The following VEPH1 variants were observed in gnomAD, a reference collection of about 807,000 sequenced individuals.
The protein encoded by VEPH1 is ventricular zone expressed PH domain containing 1, also known as ventricular zone-expressed PH domain-containing protein homolog 1.
A neutral mutation model predicts 85.2 loss-of-function variants in VEPH1; 80 were observed. That is an observed-to-expected ratio of 0.94 (90% CI 0.78 to 1.13). VEPH1 has a LOEUF of 1.13. VEPH1 is among the 50% of genes most tolerant of loss of function. The probability of loss-of-function intolerance (pLI) is 0.00; values close to 1 mark genes in which losing one functional copy is unlikely to be tolerated. For synonymous variants in VEPH1, 297 were observed against 348.0 expected, an observed-to-expected ratio of 0.85 and a Z score of 1.63; for missense variants, 955 against 980.5, an observed-to-expected ratio of 0.97 and a Z score of 0.35.
At chr3:157,261,490 T>G in intron 13 of VEPH1, 120 bp from the exon 14 acceptor site, 1 of 1,478,222 alleles carries the variant, frequency 6.8e-7, no homozygotes, top group Non-Finnish European at 9.0e-7. Flanking sequence ...TCAAGACCTT[T>G]GTTATTTTGG....
At chr3:157,262,380 T>A (rs567691464) in intron 13 of VEPH1, among the ~76,000 whole-genome samples, 1 of 152,242 alleles carries the variant, frequency 6.6e-6, no homozygotes, top group Admixed American at 6.5e-5. Context: ...TATAACTTTT[T>A]AAAAAGATAA....
intron 9 of VEPH1, among the ~76,000 whole-genome samples, chr3:157,317,995 C>T (rs1720932562): frequency 6.6e-6 from 1 of 152,140 alleles, no homozygotes; most frequent in African/African-American, 2.4e-5. Context: ...GAGGTAACAG[C>T]ACATTAGAAA....
chr3:157,359,899 A>G (rs149934281), intron 9 of VEPH1, among the ~76,000 whole-genome samples: 6 of 152,306 alleles, frequency 3.9e-5, no homozygotes, highest in African/African-American at 1.4e-4. Flanking sequence ...CAGCAGTCCA[A>G]AATTTTTCTT....
chr3:157,436,205 A>T (rs896233202), intron 4 of VEPH1, among the ~76,000 whole-genome samples: 1 of 150,616 alleles, frequency 6.6e-6, no homozygotes, highest in Non-Finnish European at 1.5e-5. Flanking sequence ...TGAACCCAGG[A>T]TGCGGAGGTT....
intron 12 of VEPH1, among the ~76,000 whole-genome samples, chr3:157,269,642 G>GTTTTTTTTT: frequency 2.2e-3 from 258 of 115,340 alleles, no homozygotes; most frequent in Non-Finnish European, 2.8e-3. Context: ...TGTTTTTGTT[G>GTTTTTTTTT]TTTTTTTTTT....
Position 157,384,516 on chromosome 3 carries a change from T to C in VEPH1, c.907-3140A>G, listed in dbSNP as rs16827570. ...TGGTTTCATTAAGAATCCTTCTCAC[T>C]ATAAAAATTTGCAAGCCCCTTCTTT... On this transcript the variant is annotated intron_variant, in intron 6 of 13. Transcript: ENST00000362010. Among the ~76,000 whole-genome samples the C allele has an allele frequency of 6.2e-3, 942 of 152,312 alleles. 32 individuals carry two copies. Among genetic ancestry groups the C allele is most frequent in the Admixed American group, 0.047 (720 of 15,298 alleles).
chr3:157,441,062 C>G (rs1468359870), intron 4 of VEPH1, among the ~76,000 whole-genome samples: 2 of 152,174 alleles, frequency 1.3e-5, no homozygotes, highest in Non-Finnish European at 2.9e-5. Flanking sequence ...AATGGAAGGG[C>G]CTTTTTTAGA....
Position 157,364,364 on chromosome 3 carries a change from T to C in VEPH1, c.1276A>G (p.Ile426Val), listed in dbSNP as rs756958564. The C allele has an allele frequency of 6.2e-7, 1 of 1,614,048 alleles. No homozygotes were observed. Among genetic ancestry groups the C allele is most frequent in the Non-Finnish European group, 8.5e-7 (1 of 1,179,946 alleles). ...ACTTGGCCCAGACTATATCTTCTGA[T>C]AGAGCCAGGGGTATTGCTCCCTGCA... is the stretch of plus-strand genomic sequence containing the variant. ...INAGSNTPGS[I>V]RRYSLGQVSK... is the part of the protein sequence containing the mutation. Residue 426 changes from isoleucine to valine, a missense_variant, in exon 8 of 14, where the codon ATC becomes GTC. Coordinates refer to ENST00000362010, the MANE Select transcript of VEPH1 (RefSeq NM_001167912.2).
intron 9 of VEPH1, among the ~76,000 whole-genome samples, chr3:157,339,052 T>G (rs750678145): frequency 6.6e-5 from 10 of 152,230 alleles, no homozygotes; most frequent in Non-Finnish European, 1.3e-4. Context: ...GTTAGGGTTC[T>G]CCACTCTAGT....
At chr3:157,391,117 G>A (rs547785726) in intron 6 of VEPH1, among the ~76,000 whole-genome samples, 49 of 152,294 alleles carry the variant, frequency 3.2e-4, no homozygotes, top group African/African-American at 1.0e-3. Flanking sequence ...GCCGTTCCAC[G>A]CCTGTCTCAC....
chr3:157,446,773 C>T (rs571488956), intron 4 of VEPH1, among the ~76,000 whole-genome samples: 7 of 152,234 alleles, frequency 4.6e-5, no homozygotes, highest in East Asian at 1.9e-4. Context: ...ACACTCCTAT[C>T]GTTGATCCTT....
chr3:157,339,223 C>T (rs1285063814), intron 9 of VEPH1, among the ~76,000 whole-genome samples: 1 of 152,142 alleles, frequency 6.6e-6, no homozygotes, highest in East Asian at 1.9e-4. Context: ...TGTTTCTGTC[C>T]CACCTGGACC....
intron 9 of VEPH1, among the ~76,000 whole-genome samples, chr3:157,342,446 C>G (rs183397248): frequency 1.1e-4 from 16 of 152,136 alleles, no homozygotes; most frequent in African/African-American, 3.1e-4. Flanking sequence ...TTACATAATG[C>G]TAAAGGGATC....
rs1323474842 is a variant in VEPH1, at chr3:157,373,199, A to C, written c.1127+7957T>G. On this transcript the variant is annotated intron_variant, in intron 7 of 13. Coordinates refer to ENST00000362010, the MANE Select transcript of VEPH1 (RefSeq NM_001167912.2). ...CCAACTGTTTGCCTCCAGAGCTCTC[A>C]CTTAACACTCCACTCTGCACACTTC... is the stretch of plus-strand genomic sequence containing the variant. Among the ~76,000 whole-genome samples the C allele has an allele frequency of 3.3e-5, 5 of 152,322 alleles. No homozygotes were observed. The South Asian group carries it at 6.2e-4, about 19-fold the overall frequency.
At chr3:157,326,146 T>C (rs1186023740) in intron 9 of VEPH1, among the ~76,000 whole-genome samples, 1 of 152,216 alleles carries the variant, frequency 6.6e-6, no homozygotes, top group Non-Finnish European at 1.5e-5. Context: ...CTGTTGTTGG[T>C]GTATAGGAAT....
In VEPH1 at chr3:157,363,606, G is replaced by A. The variant is rs1425152728; in HGVS notation, c.1493C>T (p.Thr498Ile). 1 of 1,614,044 alleles carries A rather than the reference G, an allele frequency of 6.2e-7. No individual in the cohort carries two copies. Among genetic ancestry groups the A allele is most frequent in the African/African-American group, 1.3e-5 (1 of 74,926 alleles). ...GNDKLPFKTD[T>I]ERSQLGESSV... Reference sequence around the variant, plus strand: ...AGACTCCCCCAGCTGTGATCTCTCAGTGTCTGTCTTAAACGGCAGCTTGTC... The same window carrying A: ...AGACTCCCCCAGCTGTGATCTCTCAATGTCTGTCTTAAACGGCAGCTTGTC... The change falls in exon 9 of 14, where the codon ACT becomes ATT. Residue 498 changes from threonine (T) to isoleucine (I), a missense_variant. By Grantham distance (89) the Thr-to-Ile change is moderately conservative (BLOSUM62 -1). Coordinates refer to ENST00000362010, the MANE Select transcript of VEPH1 (RefSeq NM_001167912.2).
chr3:157,441,792 A>G (rs977857041), intron 4 of VEPH1, among the ~76,000 whole-genome samples: 2 of 150,446 alleles, frequency 1.3e-5, no homozygotes, highest in Non-Finnish European at 3.0e-5. Flanking sequence ...CCTGGGTGAC[A>G]GAGTGAGACT....
chr3:157,385,199 A>G (rs1560017761), intron 6 of VEPH1, among the ~76,000 whole-genome samples: 1 of 147,250 alleles, frequency 6.8e-6, no homozygotes, highest in Non-Finnish European at 1.5e-5. Context: ...CTCACTTGCT[A>G]TACTGCCAGC....
intron 9 of VEPH1, among the ~76,000 whole-genome samples, chr3:157,353,936 GA>G (rs1235934699): frequency 2.0e-5 from 3 of 152,244 alleles, no homozygotes; most frequent in African/African-American, 7.2e-5. Context: ...ACAAGATGAA[GA>G]AGCAGAACAG....
Sources: allele counts gnomAD v4.1 joint callset (sites outside exome capture counted in the v4.1 genomes callset), GRCh38; gene constraint gnomAD v4.1.1; transcripts MANE v1.5; gene names NCBI Gene and HGNC (gene_info 2026-07-23, HGNC 2026-07-21).